RYK: variants seen among roughly 807,000 people sequenced by gnomAD.
RYK encodes the protein receptor like tyrosine kinase.
A neutral mutation model predicts 70.2 loss-of-function variants in RYK; 21 were observed. The observed-to-expected ratio is 0.30, with a 90% CI of 0.21 to 0.43. The LOEUF (loss-of-function observed/expected upper bound fraction) is 0.43, where lower values mean the gene tolerates loss of function less well. Among genes scored for constraint, RYK ranks in the 20% least tolerant of loss-of-function variants. The pLI, the probability that RYK is intolerant of heterozygous loss-of-function variation, is 1.00. For synonymous variants in RYK, 267 were observed against 278.0 expected (o/e 0.96, Z 0.39); for missense variants, 604 against 753.3 (o/e 0.80, Z 2.32).
At chr3:134,245,475 G>A (rs552309674) in intron 1 of RYK, among the ~76,000 whole-genome samples, 1 of 152,194 alleles carries the variant, frequency 6.6e-6, no homozygotes, top group African/African-American at 2.4e-5. Flanking sequence ...CAAAGTACTT[G>A]AAGGAATGGT....
At chr3:134,167,616 C>G (rs563398015) in intron 13 of RYK, among the ~76,000 whole-genome samples, 3 of 152,172 alleles carry the variant, frequency 2.0e-5, no homozygotes, top group East Asian at 1.9e-4. Context: ...CTTATACAAA[C>G]ATTAATTCAA....
intron 1 of RYK, among the ~76,000 whole-genome samples, chr3:134,230,917 T>G (rs1454641701): frequency 1.3e-5 from 2 of 152,212 alleles, no homozygotes; most frequent in East Asian, 3.8e-4. Flanking sequence ...TGCAAAATCA[T>G]AGCATAGTAT....
intron 1 of RYK, among the ~76,000 whole-genome samples, chr3:134,234,705 T>TGA (rs2015157080): frequency 6.6e-6 from 1 of 152,106 alleles, no homozygotes; most frequent in Non-Finnish European, 1.5e-5. Context: ...AAAAAGTTTC[T>TGA]CTAAAACATA....
At chr3:134,224,418 C>T (rs1452915746) in intron 1 of RYK, among the ~76,000 whole-genome samples, 1 of 152,194 alleles carries the variant, frequency 6.6e-6, no homozygotes, top group African/African-American at 2.4e-5. Context: ...TTTAATTCTG[C>T]TACTGCTACC....
At chr3:134,194,985 CACA>C (rs2013767268) in intron 7 of RYK, 94 bp downstream of exon 7, 1 of 842,412 alleles carries the variant, frequency 1.2e-6, no homozygotes, top group Non-Finnish European at 2.0e-6. Context: ...ATACGATTTA[CACA>C]ACATGTCCCA....
chr3:134,195,758 C>T (rs931628998), intron 6 of RYK, among the ~76,000 whole-genome samples: 9 of 152,276 alleles, frequency 5.9e-5, no homozygotes, highest in East Asian at 3.9e-4. Context: ...ACCAGTATGG[C>T]CTACATGGTG....
intron 14 of RYK, among the ~76,000 whole-genome samples, chr3:134,158,996 AT>A (rs1229899243): frequency 1.3e-5 from 2 of 152,226 alleles, no homozygotes; most frequent in Non-Finnish European, 2.9e-5. Flanking sequence ...TCTCAGACTA[AT>A]TTATAGTGCT....
At chr3:134,247,333 GC>G (rs1463064332) in intron 1 of RYK, among the ~76,000 whole-genome samples, 6 of 152,170 alleles carry the variant, frequency 3.9e-5, no homozygotes, top group Non-Finnish European at 8.8e-5. Context: ...AACAGACCTA[GC>G]TGAGGTAGTA....
intron 1 of RYK, 48 bp downstream of exon 1, chr3:134,250,375 C>T: frequency 8.0e-7 from 1 of 1,246,554 alleles, no homozygotes. Flanking sequence ...CCGGAAGCTG[C>T]CCCAGCCGGC....
At chr3:134,188,593 A>G (rs1198275447) in intron 9 of RYK, among the ~76,000 whole-genome samples, 2 of 152,242 alleles carry the variant, frequency 1.3e-5, no homozygotes, top group African/African-American at 4.8e-5. Flanking sequence ...CAATTAACTG[A>G]GTAATATCTA....
chr3:134,194,449 T>C (rs1248094339), intron 7 of RYK, among the ~76,000 whole-genome samples: 1 of 152,166 alleles, frequency 6.6e-6, no homozygotes, highest in African/African-American at 2.4e-5. Flanking sequence ...TGTCCCAGGC[T>C]TATCTTGTTC....
chr3:134,159,040 G>A (rs1279144098), intron 14 of RYK, among the ~76,000 whole-genome samples, 197 bp downstream of exon 14: 3 of 152,126 alleles, frequency 2.0e-5, no homozygotes, highest in African/African-American at 7.2e-5. Flanking sequence ...AATGCAAGAC[G>A]TTCTAATATC....
intron 5 of RYK, among the ~76,000 whole-genome samples, chr3:134,205,488 G>A (rs1209900514): frequency 6.6e-6 from 1 of 152,018 alleles, no homozygotes; most frequent in African/African-American, 2.4e-5. Context: ...TTCAATCTTG[G>A]GAGGGACAGA....
At chr3:134,207,659 ATT>A (rs1254174683) in intron 4 of RYK, 134 bp from the exon 5 acceptor site, 2 of 594,226 alleles carry the variant, frequency 3.4e-6, no homozygotes, top group Admixed American at 6.4e-5. Context: ...CTATGTTACT[ATT>A]CTGATAATCA....
chr3:134,186,744 A>T (rs952280542), intron 9 of RYK, among the ~76,000 whole-genome samples: 1 of 152,114 alleles, frequency 6.6e-6, no homozygotes, highest in Non-Finnish European at 1.5e-5. Flanking sequence ...ATTTCCTTTT[A>T]TCTCCCCTTC....
intron 2 of RYK, among the ~76,000 whole-genome samples, chr3:134,220,094 G>A (rs1418654470): frequency 6.6e-6 from 1 of 152,198 alleles, no homozygotes; most frequent in Non-Finnish European, 1.5e-5. Context: ...CACTGCCAAA[G>A]AGATATTCCT....
chr3:134,214,194 T>G (rs1044482820), intron 2 of RYK, among the ~76,000 whole-genome samples: 1 of 152,314 alleles, frequency 6.6e-6, no homozygotes, highest in South Asian at 2.1e-4. Flanking sequence ...CTTGGTCTCC[T>G]GCCATGTTCT....
chr3:134,199,843 T>C (rs1043435674), intron 6 of RYK, among the ~76,000 whole-genome samples: 16 of 151,962 alleles, frequency 1.1e-4, no homozygotes, highest in Non-Finnish European at 1.8e-4. Flanking sequence ...AGCTAAAGGA[T>C]TGTAAATGCA....
chr3:134,222,664 C>A, intron 1 of RYK, 125 bp from the exon 2 acceptor site: 1 of 755,162 alleles, frequency 1.3e-6, no homozygotes, highest in East Asian at 2.9e-5. Flanking sequence ...ACAAATGGCC[C>A]TAACATGGGC....
Sources: allele counts gnomAD v4.1 joint callset (sites outside exome capture counted in the v4.1 genomes callset), GRCh38; gene constraint gnomAD v4.1.1; transcripts MANE v1.5; gene names NCBI Gene and HGNC (gene_info 2026-07-23, HGNC 2026-07-21).